CCSER1: variants seen among roughly 807,000 people sequenced by gnomAD.
The protein encoded by CCSER1 is serine-rich coiled-coil domain-containing protein 1.
CCSER1 carries 41 observed loss-of-function variants against 82.0 expected under a neutral mutation model. The observed-to-expected ratio is 0.50, with a 90% CI of 0.39 to 0.65. The LOEUF (loss-of-function observed/expected upper bound fraction) is 0.65, where lower values mean the gene tolerates loss of function less well. CCSER1 is among the 30% of genes least tolerant of loss of function. The pLI is 0.00. For synonymous variants in CCSER1, 414 were observed against 383.9 expected, an observed-to-expected ratio of 1.08 and a Z score of -0.92; for missense variants, 1,119 against 1,064.2, an observed-to-expected ratio of 1.05 and a Z score of -0.72.
At chr4:91,289,063 A>T (rs1162155134) in intron 10 of CCSER1, among the ~76,000 whole-genome samples, 1 of 152,062 alleles carries the variant, frequency 6.6e-6, no homozygotes, top group Non-Finnish European at 1.5e-5. Flanking sequence ...AAGCCAAAGG[A>T]GGGACTTACA....
intron 10 of CCSER1, among the ~76,000 whole-genome samples, chr4:91,588,260 A>G (rs1415394180): frequency 6.6e-6 from 1 of 151,620 alleles, no homozygotes; most frequent in East Asian, 1.9e-4. Context: ...AAGAAAAAAA[A>G]TAGCCTTAGA....
intron 5 of CCSER1, among the ~76,000 whole-genome samples, chr4:90,516,434 G>A (rs1305058191): frequency 1.3e-5 from 2 of 152,068 alleles, no homozygotes; most frequent in African/African-American, 4.8e-5. Context: ...ACTACCCCAG[G>A]GCCTGAAGGA....
intron 9 of CCSER1, among the ~76,000 whole-genome samples, chr4:91,081,015 T>C (rs1031303736): frequency 6.6e-6 from 1 of 152,144 alleles, no homozygotes. Context: ...CTGAAATTAT[T>C]CCAATCAATA....
At chr4:90,436,642 C>T (rs1015924284) in intron 4 of CCSER1, among the ~76,000 whole-genome samples, 3 of 151,962 alleles carry the variant, frequency 2.0e-5, no homozygotes, top group Non-Finnish European at 4.4e-5. Context: ...TTCTTTTAGT[C>T]TACTATGTTT....
chr4:90,628,518 C>G (rs1579573263), intron 6 of CCSER1, among the ~76,000 whole-genome samples: 2 of 152,212 alleles, frequency 1.3e-5, no homozygotes, highest in Non-Finnish European at 2.9e-5. Context: ...TGAGTATCAG[C>G]TATATAGTTA....
chr4:90,300,246 G>A lies in CCSER1; in HGVS notation c.-41-7998G>A, dbSNP rs545780797. Among the ~76,000 whole-genome samples, 4 of 152,172 alleles carry A rather than the reference G, an allele frequency of 2.6e-5. No homozygotes were observed. In the South Asian group the frequency reaches 6.2e-4, roughly 24 times the overall value. On this transcript the variant is annotated intron_variant, in intron 1 of 10. Transcript: ENST00000509176. ...ATACGTCTTTTCAGTATTATTTTAT[G>A]TCATTTTTAATAGACTGGTTGGGAC...
chr4:90,701,326 C>G (rs1165649552), intron 6 of CCSER1, among the ~76,000 whole-genome samples: 1 of 152,136 alleles, frequency 6.6e-6, no homozygotes, highest in Non-Finnish European at 1.5e-5. Flanking sequence ...GGGCTCTGTT[C>G]TGTTCCATTA....
At chr4:91,527,846 T>C (rs1426451001) in intron 10 of CCSER1, among the ~76,000 whole-genome samples, 1 of 152,160 alleles carries the variant, frequency 6.6e-6, no homozygotes, top group African/African-American at 2.4e-5. Flanking sequence ...GATACAGACA[T>C]GTAAATCTAG....
At chr4:90,403,127 T>C (rs1753141139) in intron 4 of CCSER1, among the ~76,000 whole-genome samples, 1 of 152,238 alleles carries the variant, frequency 6.6e-6, no homozygotes, top group South Asian at 2.1e-4. Flanking sequence ...CACGTTTATA[T>C]ACTTTAGCTG....
intron 1 of CCSER1, among the ~76,000 whole-genome samples, chr4:90,224,898 G>C (rs1742846069): frequency 6.6e-6 from 1 of 151,960 alleles, no homozygotes; most frequent in South Asian, 2.1e-4. Flanking sequence ...GAGACTTCTA[G>C]TTCCTGGCTT....
intron 3 of CCSER1, among the ~76,000 whole-genome samples, chr4:90,394,554 ACT>A (rs1751689168): frequency 6.6e-6 from 1 of 152,038 alleles, no homozygotes; most frequent in Non-Finnish European, 1.5e-5. Context: ...AGTTAAACAA[ACT>A]CTTCTAAAAA....
At position 90,468,137 on chromosome 4, in the gene CCSER1, T is replaced by A. The variant is rs949423019; in HGVS notation, c.1604-97T>A. 9.8e-6 allele frequency: 10 copies of A among 1,015,606 alleles called. No homozygotes were observed. The Admixed American group carries it at 2.9e-4, about 30-fold the overall frequency. 62.9% of individuals were successfully genotyped at this position (1,015,606 alleles called of 1,614,324 possible). ...TAATTAATGTTTTATTAGAATTAGA[T>A]CTTTTATTAGACTAAATATAGAAAG... On this transcript the variant is annotated intron_variant, in intron 4 of 10. Transcript: ENST00000509176.
intron 6 of CCSER1, among the ~76,000 whole-genome samples, chr4:90,690,508 A>G (rs558185259): frequency 2.6e-5 from 4 of 152,232 alleles, no homozygotes; most frequent in Admixed American, 6.6e-5. Context: ...TGTAAAACCT[A>G]TTAAAATTCT....
intron 10 of CCSER1, among the ~76,000 whole-genome samples, chr4:91,338,218 A>G (rs1747452926): frequency 6.6e-6 from 1 of 152,170 alleles, no homozygotes; most frequent in Non-Finnish European, 1.5e-5. Context: ...CTGTCATTAC[A>G]TTATGACAGT....
chr4:90,578,502 C>T (rs921871472), intron 5 of CCSER1, among the ~76,000 whole-genome samples: 1 of 151,974 alleles, frequency 6.6e-6, no homozygotes, highest in Non-Finnish European at 1.5e-5. Flanking sequence ...TTCAGAGTTA[C>T]CACAAAGAAT....
chr4:91,213,206 T>C (rs1023576457), intron 10 of CCSER1, among the ~76,000 whole-genome samples: 4 of 152,164 alleles, frequency 2.6e-5, no homozygotes, highest in Non-Finnish European at 5.9e-5. Flanking sequence ...AAGTGAATTT[T>C]TTTTTAATGT....
At chr4:90,470,664 G>C (rs1764235342) in intron 5 of CCSER1, among the ~76,000 whole-genome samples, 1 of 149,666 alleles carries the variant, frequency 6.7e-6, no homozygotes, top group African/African-American at 2.5e-5. Context: ...GGTTCCTCTA[G>C]TGGTGATATT....
chr4:91,498,994 A>G (rs933429483), intron 10 of CCSER1, among the ~76,000 whole-genome samples: 1 of 151,868 alleles, frequency 6.6e-6, no homozygotes, highest in African/African-American at 2.4e-5. Context: ...ATCACCTGCA[A>G]TTGTCTGTTA....
chr4:90,168,470 T>G (rs1259435724), intron 1 of CCSER1, among the ~76,000 whole-genome samples: 1 of 152,186 alleles, frequency 6.6e-6, no homozygotes, highest in Non-Finnish European at 1.5e-5. Flanking sequence ...GCAGAAGCTC[T>G]TTAGTTTAAT....
Sources: gnomAD v4.1 joint callset for allele counts (sites outside exome capture counted in the v4.1 genomes callset) on GRCh38, gnomAD v4.1.1 for gene constraint, MANE v1.5 for transcripts, NCBI Gene and HGNC (gene_info 2026-07-23, HGNC 2026-07-21) for gene names.